Variants in NWD2 observed in about 807,000 individuals in gnomAD.
NWD2 encodes NACHT and WD repeat domain containing 2, also known as NACHT and WD repeat domain-containing protein 2.
In NWD2, 37 loss-of-function variants were observed where a neutral mutation model predicts 132.7. That is an observed-to-expected ratio of 0.28 (90% CI 0.21 to 0.37). The LOEUF (loss-of-function observed/expected upper bound fraction) is 0.37, where lower values mean the gene tolerates loss of function less well. NWD2 is among the 10% of genes least tolerant of loss of function. The pLI, the probability that NWD2 is intolerant of heterozygous loss-of-function variation, is 1.00. For missense variants in NWD2, 1,592 were observed against 2,122.4 expected, an observed-to-expected ratio of 0.75 and a Z score of 4.91; for synonymous variants, 705 against 803.0, an observed-to-expected ratio of 0.88 and a Z score of 2.06.
At chr4:37,247,326 C>A (rs1456135870) in intron 1 of NWD2, among the ~76,000 whole-genome samples, 1 of 152,162 alleles carries the variant, frequency 6.6e-6, no homozygotes, top group African/African-American at 2.4e-5. Flanking sequence ...AAAGCAAATG[C>A]CTGTGTTTTG....
At chr4:37,259,103 AGC>A (rs1717580545) in intron 1 of NWD2, among the ~76,000 whole-genome samples, 1 of 152,198 alleles carries the variant, frequency 6.6e-6, no homozygotes, top group Non-Finnish European at 1.5e-5. Flanking sequence ...TTGATACCAG[AGC>A]ATGTTAGAAT....
At chr4:37,286,209 C>G (rs1718227593) in intron 1 of NWD2, among the ~76,000 whole-genome samples, 1 of 152,310 alleles carries the variant, frequency 6.6e-6, no homozygotes, top group Non-Finnish European at 1.5e-5. Context: ...GGTGTTTTAA[C>G]TAGGATCAGC....
intron 3 of NWD2, among the ~76,000 whole-genome samples, chr4:37,385,109 T>C (rs1720533604): frequency 1.3e-5 from 2 of 152,126 alleles, no homozygotes; most frequent in South Asian, 2.1e-4. Context: ...TGGAGTGATG[T>C]AGACACCTGC....
At chr4:37,362,919 A>G (rs144064175) in intron 3 of NWD2, among the ~76,000 whole-genome samples, 194 of 152,358 alleles carry the variant, frequency 1.3e-3, no homozygotes, top group Middle Eastern at 6.8e-3. Flanking sequence ...GCATCTGACC[A>G]ATGTCTAATA....
intron 1 of NWD2, 147 bp from the exon 2 acceptor site, chr4:37,325,789 C>A (rs568252002): frequency 8.8e-6 from 5 of 569,030 alleles, no homozygotes; most frequent in Non-Finnish European, 1.6e-5. Flanking sequence ...CAGGTCTACA[C>A]CAACAGCCAA....
At chr4:37,303,382 A>G (rs1254213561) in intron 1 of NWD2, among the ~76,000 whole-genome samples, 3 of 152,212 alleles carry the variant, frequency 2.0e-5, no homozygotes, top group African/African-American at 7.2e-5. Flanking sequence ...GAATTCAGGT[A>G]GTGTGATGCG....
At chr4:37,360,057 GA>G (rs1719949009) in intron 3 of NWD2, among the ~76,000 whole-genome samples, 1 of 152,156 alleles carries the variant, frequency 6.6e-6, no homozygotes, top group Non-Finnish European at 1.5e-5. Context: ...AATCAAGCGA[GA>G]GCCCTGGTTC....
At chr4:37,375,183 G>A (rs1720319514) in intron 3 of NWD2, among the ~76,000 whole-genome samples, 1 of 152,090 alleles carries the variant, frequency 6.6e-6, no homozygotes, top group East Asian at 1.9e-4. Context: ...TTTTAAACTA[G>A]CATAACCCTG....
Position 37,446,568 on chromosome 4 carries a change from T to G in NWD2, c.4580T>G (p.Leu1527Arg). The G allele has an allele frequency of 1.3e-6, 2 of 1,551,784 alleles. No homozygotes were observed. The highest frequency in any genetic ancestry group is 1.7e-6 in the Non-Finnish European group (2 of 1,147,024). Residue 1527 changes from leucine to arginine, a missense_variant, in exon 7 of 7, where the codon CTG becomes CGG. Leu to Arg is a moderately radical substitution (Grantham distance 102, BLOSUM62 -2). Transcript: ENST00000309447. The surrounding 1 kb of genome is among the most constrained non-coding windows in gnomAD (Gnocchi z 6.7). ...CTTCCAAACAACTTCTTGAAAAATC[T>G]GGAGGACTTTGAAATTTCTCCCAAT... ...VQLPNNFLKN[L>R]EDFEISPNGK... is the part of the protein sequence containing the mutation.
At chr4:37,258,154 A>C (rs1490363955) in intron 1 of NWD2, among the ~76,000 whole-genome samples, 4 of 152,278 alleles carry the variant, frequency 2.6e-5, no homozygotes, top group Non-Finnish European at 4.4e-5. Context: ...TGGTTCCCAC[A>C]TCTATGTGGG....
At chr4:37,348,675 T>TACACAC (rs1172614596) in intron 2 of NWD2, among the ~76,000 whole-genome samples, 1,214 of 22,474 alleles carry the variant, frequency 0.054, 119 homozygotes, top group Admixed American at 0.065. Flanking sequence ...TATATATATA[T>TACACAC]ACACACACAC....
chr4:37,249,061 A>T (rs192074395), intron 1 of NWD2, among the ~76,000 whole-genome samples: 2 of 152,370 alleles, frequency 1.3e-5, no homozygotes, highest in African/African-American at 2.4e-5. Context: ...CACTAGCCAC[A>T]TAGGGCTATT....
chr4:37,446,893 T>C lies in NWD2; in HGVS notation c.4905T>C (p.Phe1635=). 1.9e-6 allele frequency: 3 copies of C among 1,551,674 alleles called. No homozygotes were observed. The highest frequency in any genetic ancestry group is 2.6e-6 in the Non-Finnish European group (3 of 1,146,978). ...GGCACCTGAACATCATTGTGGGCTT[T>C]GATGATGGGAGTATAGGGATCTACA... ...SQRHLNIIVG[F]DDGSIGIYTV... Residue 1635 remains phenylalanine, a synonymous_variant, in exon 7 of 7, where the codon TTT becomes TTC. Transcript: ENST00000309447. The surrounding 1 kb of genome is among the most constrained non-coding windows in gnomAD (Gnocchi z 6.7).
chr4:37,329,981 A>C (rs1257870876), intron 2 of NWD2, among the ~76,000 whole-genome samples: 1 of 152,204 alleles, frequency 6.6e-6, no homozygotes, highest in Non-Finnish European at 1.5e-5. Context: ...GGCCAGTCAA[A>C]TAGCTGCACA....
At chr4:37,255,267 A>G (rs1455987886) in intron 1 of NWD2, among the ~76,000 whole-genome samples, 2 of 152,228 alleles carry the variant, frequency 1.3e-5, no homozygotes, top group Non-Finnish European at 2.9e-5. Context: ...ATCAGCTTGT[A>G]TCTGATATCC....
intron 3 of NWD2, among the ~76,000 whole-genome samples, chr4:37,426,152 A>T (rs975748149): frequency 6.6e-6 from 1 of 152,244 alleles, no homozygotes; most frequent in Non-Finnish European, 1.5e-5. Context: ...ACACACATAC[A>T]CAAACCAAAA....
intron 5 of NWD2, among the ~76,000 whole-genome samples, chr4:37,437,427 T>C (rs1382023005): frequency 6.6e-6 from 1 of 152,182 alleles, no homozygotes; most frequent in Non-Finnish European, 1.5e-5. Flanking sequence ...CCCCACCTCC[T>C]AACACTATCA....
chr4:37,434,338 T>G (rs1205270981), intron 5 of NWD2, among the ~76,000 whole-genome samples: 1 of 152,178 alleles, frequency 6.6e-6, no homozygotes, highest in South Asian at 2.1e-4. Flanking sequence ...CAGCAAATAT[T>G]AATGGATCTA....
chr4:37,307,980 T>A (rs1032127907), intron 1 of NWD2, among the ~76,000 whole-genome samples: 24 of 152,196 alleles, frequency 1.6e-4, no homozygotes, highest in Middle Eastern at 3.2e-3. Context: ...ATGTATTAAA[T>A]TTCTCATTCA....
Sources: gnomAD v4.1 joint callset for allele counts (sites outside exome capture counted in the v4.1 genomes callset) on GRCh38, gnomAD v4.1.1 for gene constraint, Gnocchi (gnomAD v3.1) non-coding constraint, MANE v1.5 for transcripts, NCBI Gene and HGNC (gene_info 2026-07-23, HGNC 2026-07-21) for gene names.